The following ANKRD45 variants were observed in gnomAD, a reference collection of about 807,000 sequenced individuals.
ANKRD45 encodes ankyrin repeat domain-containing protein 45.
A neutral mutation model predicts 28.1 loss-of-function variants in ANKRD45; 21 were observed. The observed-to-expected ratio is 0.75, with a 90% confidence interval of 0.53 to 1.08. The LOEUF (loss-of-function observed/expected upper bound fraction) is 1.08, where lower values mean the gene tolerates loss of function less well. ANKRD45 is among the 50% of genes least tolerant of loss of function. The pLI, the probability that ANKRD45 is intolerant of heterozygous loss-of-function variation, is 0.00. For synonymous variants in ANKRD45, 86 were observed against 103.9 expected, an observed-to-expected ratio of 0.83 and a Z score of 1.05; for missense variants, 261 against 308.7, an observed-to-expected ratio of 0.85 and a Z score of 1.16.
chr1:173,637,952 A>G (rs573513449), intron 3 of ANKRD45, among the ~76,000 whole-genome samples: 1 of 152,152 alleles, frequency 6.6e-6, no homozygotes, highest in Non-Finnish European at 1.5e-5. Flanking sequence ...GGAGCAAGGA[A>G]TATAGTTGGA....
At chr1:173,684,520 A>T in the ANKRD45 span, among the ~76,000 whole-genome samples, 1 of 152,184 alleles carries the variant, frequency 6.6e-6, no homozygotes, top group Non-Finnish European at 1.5e-5. Context: ...AAGTACACCC[A>T]TTACAGCTGT....
At chr1:173,689,529 A>G in the ANKRD45 span, among the ~76,000 whole-genome samples, 81 of 152,168 alleles carry the variant, frequency 5.3e-4, no homozygotes, top group Non-Finnish European at 5.6e-4. Context: ...CTTTTTTGAA[A>G]TATCTGGCCA....
the ANKRD45 span, among the ~76,000 whole-genome samples, chr1:173,689,492 G>A: frequency 2.0e-5 from 3 of 151,894 alleles, no homozygotes; most frequent in Non-Finnish European, 4.4e-5. Flanking sequence ...CTTAGAGGAC[G>A]GTCTTCCCAA....
At chr1:173,613,567 C>T (rs1485824551) in intron 5 of ANKRD45, among the ~76,000 whole-genome samples, 6 of 148,228 alleles carry the variant, frequency 4.0e-5, no homozygotes, top group Non-Finnish European at 9.0e-5. Context: ...GGTCAGCCCC[C>T]CCCCCGGCCA....
At chr1:173,696,704 G>A in the ANKRD45 span, among the ~76,000 whole-genome samples, 2 of 152,120 alleles carry the variant, frequency 1.3e-5, no homozygotes, top group South Asian at 2.1e-4. Flanking sequence ...GTTGAGTAAT[G>A]TGATGCATCC....
At chr1:173,610,277 C>T (rs1558111690) in intron 5 of ANKRD45, 62 bp from the exon 6 acceptor site, 7 of 1,483,096 alleles carry the variant, frequency 4.7e-6, no homozygotes, top group Non-Finnish European at 6.6e-6. Context: ...CAAAATGAAG[C>T]CAGTTTTTAA....
At chr1:173,703,443 T>TA in the ANKRD45 span, among the ~76,000 whole-genome samples, 1 of 151,946 alleles carries the variant, frequency 6.6e-6, no homozygotes, top group East Asian at 1.9e-4. Flanking sequence ...TGACCTCAGG[T>TA]GATCCACCCA....
chr1:173,703,329 G>C, the ANKRD45 span, among the ~76,000 whole-genome samples: 1 of 151,102 alleles, frequency 6.6e-6, no homozygotes, highest in African/African-American at 2.4e-5. Context: ...TCAGCCTCCC[G>C]AGTAGCTGGG....
At chr1:173,630,992 G>A (rs1668175181) in intron 3 of ANKRD45, among the ~76,000 whole-genome samples, 2 of 152,030 alleles carry the variant, frequency 1.3e-5, no homozygotes, top group Non-Finnish European at 2.9e-5. Flanking sequence ...AACACTGAAT[G>A]TAAATGGACT....
At chr1:173,699,039 A>G in the ANKRD45 span, among the ~76,000 whole-genome samples, 2 of 152,308 alleles carry the variant, frequency 1.3e-5, no homozygotes, top group South Asian at 4.1e-4. Flanking sequence ...GAATACTATA[A>G]ACACCTCTAC....
chr1:173,655,197 G>T (rs1669443138), intron 2 of ANKRD45, among the ~76,000 whole-genome samples: 1 of 138,130 alleles, frequency 7.2e-6, no homozygotes, highest in Admixed American at 6.6e-5. Context: ...AGAATTTTCA[G>T]CTTTTCTGCT....
At chr1:173,653,037 C>A (rs1558139737) in intron 2 of ANKRD45, among the ~76,000 whole-genome samples, 1 of 151,726 alleles carries the variant, frequency 6.6e-6, no homozygotes, top group African/African-American at 2.4e-5. Context: ...TGGATCTTTG[C>A]AAAAAAACAA....
At chr1:173,652,249 T>C (rs1314349530) in intron 2 of ANKRD45, among the ~76,000 whole-genome samples, 3 of 152,190 alleles carry the variant, frequency 2.0e-5, no homozygotes. Flanking sequence ...AAATAGCTCT[T>C]ATTATTTTGA....
At chr1:173,631,483 T>C (rs972123143) in intron 3 of ANKRD45, among the ~76,000 whole-genome samples, 1 of 152,118 alleles carries the variant, frequency 6.6e-6, no homozygotes, top group Admixed American at 6.5e-5. Flanking sequence ...ACAGACCAAA[T>C]GGACCTACTA....
At chr1:173,705,854 A>G in the ANKRD45 span, among the ~76,000 whole-genome samples, 6 of 151,916 alleles carry the variant, frequency 3.9e-5, no homozygotes, top group Admixed American at 2.0e-4. Flanking sequence ...TTATCTTTCA[A>G]TTTATATATA....
At chr1:173,653,584 G>A (rs185356107) in intron 2 of ANKRD45, among the ~76,000 whole-genome samples, 25 of 152,258 alleles carry the variant, frequency 1.6e-4, no homozygotes, top group African/African-American at 6.0e-4. Flanking sequence ...GTTGATTCGG[G>A]GTGCAGCATT....
At chr1:173,670,497 T>C (rs1670216160), upstream of ANKRD45, among the ~76,000 whole-genome samples, 1 of 152,242 alleles carries the variant, frequency 6.6e-6, no homozygotes, top group Admixed American at 6.5e-5. Flanking sequence ...TATTCATTTC[T>C]TTACTGTTTC....
chr1:173,643,676 A>G (rs1332648519), intron 3 of ANKRD45, among the ~76,000 whole-genome samples: 1 of 152,124 alleles, frequency 6.6e-6, no homozygotes, highest in African/African-American at 2.4e-5. Flanking sequence ...TGGTTACCGT[A>G]TTTTTCAAAG....
chr1:173,669,212 A>C (rs1253057500), intron 1 of ANKRD45, among the ~76,000 whole-genome samples: 1 of 152,176 alleles, frequency 6.6e-6, no homozygotes, highest in Non-Finnish European at 1.5e-5. Flanking sequence ...TGGCGGTCTC[A>C]GAAAGTTTTC....
Sources: allele counts gnomAD v4.1 joint callset (sites outside exome capture counted in the v4.1 genomes callset), GRCh38; gene constraint gnomAD v4.1.1; transcripts MANE v1.5; gene names NCBI Gene and HGNC (gene_info 2026-07-23, HGNC 2026-07-21).